RAB3C: variants seen among roughly 807,000 people sequenced by gnomAD.
RAB3C encodes ras-related protein Rab-3C.
Under a neutral mutation model 26.4 loss-of-function variants are expected in RAB3C, and 17 were observed. That is an observed-to-expected ratio of 0.64 (90% CI 0.44 to 0.97). The LOEUF is 0.97. RAB3C is among the 50% of genes least tolerant of loss of function. The pLI is 0.00. For missense variants in RAB3C, 242 were observed against 281.9 expected, an observed-to-expected ratio of 0.86 and a Z score of 1.01; for synonymous variants, 91 against 95.9, an observed-to-expected ratio of 0.95 and a Z score of 0.30.
intron 2 of RAB3C, among the ~76,000 whole-genome samples, chr5:58,710,811 G>A (rs1185930203): frequency 6.6e-6 from 1 of 152,052 alleles, no homozygotes; most frequent in Non-Finnish European, 1.5e-5. Context: ...ATGATGAGAT[G>A]CTGCAGCAGC....
chr5:58,780,954 G>A (rs1742257485), intron 3 of RAB3C, among the ~76,000 whole-genome samples: 1 of 151,902 alleles, frequency 6.6e-6, no homozygotes, highest in African/African-American at 2.4e-5. Flanking sequence ...TACCTATCTT[G>A]TAGTCTGTAA....
chr5:58,776,975 T>C (rs1344615941), intron 3 of RAB3C, among the ~76,000 whole-genome samples: 1 of 152,112 alleles, frequency 6.6e-6, no homozygotes, highest in Admixed American at 6.6e-5. Flanking sequence ...GAAATCAAGT[T>C]TAGCTCTATG....
intron 3 of RAB3C, among the ~76,000 whole-genome samples, chr5:58,773,840 C>CT (rs1442645884): frequency 1.3e-5 from 2 of 152,108 alleles, no homozygotes; most frequent in Admixed American, 6.6e-5. Flanking sequence ...CAACCATCTG[C>CT]TTTTTTTCTG....
chr5:58,815,501 A>AT (rs1276065475), intron 3 of RAB3C, among the ~76,000 whole-genome samples: 1 of 152,194 alleles, frequency 6.6e-6, no homozygotes, highest in African/African-American at 2.4e-5. Flanking sequence ...TCCTTTGCAG[A>AT]CTGTGATGGG....
intron 3 of RAB3C, among the ~76,000 whole-genome samples, chr5:58,766,338 G>T (rs961064225): frequency 5.3e-5 from 8 of 151,944 alleles, no homozygotes; most frequent in African/African-American, 1.9e-4. Flanking sequence ...AGCTGTTCTT[G>T]AACTCCTGAC....
chr5:58,845,612 A>ATATATATATGTGTGTGTGTGTGTGTG, intron 4 of RAB3C, among the ~76,000 whole-genome samples: 2 of 81,742 alleles, frequency 2.4e-5, no homozygotes, highest in African/African-American at 5.8e-5. Context: ...ATATATATAT[A>ATATATATATGTGTGTGTGTGTGTGTG]TGTGTGTGTG....
intron 3 of RAB3C, among the ~76,000 whole-genome samples, chr5:58,733,189 C>T (rs1368621540): frequency 6.6e-6 from 1 of 152,156 alleles, no homozygotes; most frequent in East Asian, 1.9e-4. Context: ...ACTGTAGTGC[C>T]TGGCACTTAA....
rs16888432 is a variant in RAB3C, at chr5:58,689,604, C to T, written c.253-36398C>T. On this transcript the variant is annotated intron_variant, in intron 2 of 4. Coordinates refer to ENST00000282878, the MANE Select transcript of RAB3C (RefSeq NM_138453.4). Reference sequence around the variant, plus strand: ...TGGGGGTGGTTAAAATCAGTGTTGCCATGCCTGATGGTGAAGACAATGAGG... The same window carrying T: ...TGGGGGTGGTTAAAATCAGTGTTGCTATGCCTGATGGTGAAGACAATGAGG... 5.9e-3 allele frequency among the ~76,000 whole-genome samples: 899 copies of T among 152,106 alleles called. 16 individuals are homozygous for T. The highest frequency in any genetic ancestry group is 0.02 in the African/African-American group (836 of 41,518).
chr5:58,816,952 T>G (rs996638085), intron 3 of RAB3C: 2 of 152,224 alleles, frequency 1.3e-5, no homozygotes, highest in Non-Finnish European at 1.5e-5. Flanking sequence ...GGGCATCTCA[T>G]TTCTGGGACA....
intron 3 of RAB3C, among the ~76,000 whole-genome samples, chr5:58,729,123 C>A (rs1740948036): frequency 6.6e-6 from 1 of 152,040 alleles, no homozygotes; most frequent in Admixed American, 6.6e-5. Context: ...CTGGCACTTT[C>A]TGCAGATCAC....
At chr5:58,698,915 A>T (rs547205970) in intron 2 of RAB3C, among the ~76,000 whole-genome samples, 1 of 152,272 alleles carries the variant, frequency 6.6e-6, no homozygotes, top group Admixed American at 6.5e-5. Context: ...AACCTTCTGA[A>T]GCCTACTTCT....
chr5:58,855,701 T>C lies in RAB3C; in HGVS notation c.*4350T>C, dbSNP rs1331210969. ...ATTTTAGGTGAATTTTTGACCAAAG[T>C]CAATTAAAGACATAAACCTGTTTTA... On this transcript the variant is annotated 3_prime_UTR_variant, in exon 5 of 5. Transcript: ENST00000282878. The C allele has an allele frequency of 6.6e-6, 1 of 152,194 alleles. No homozygotes were observed. Among genetic ancestry groups the C allele is most frequent in the African/African-American group, 2.4e-5 (1 of 41,458 alleles). The allele number at this position is 152,194 out of a possible 1,614,324, so 9.4% of individuals were successfully genotyped here. A position where few individuals can be genotyped will look rare whatever the true frequency, so the allele number is the denominator to read the frequency against.
chr5:58,784,178 G>A (rs1349356211), intron 3 of RAB3C, among the ~76,000 whole-genome samples: 1 of 152,126 alleles, frequency 6.6e-6, no homozygotes, highest in African/African-American at 2.4e-5. Flanking sequence ...CCAATGAAAA[G>A]TGAGGAATAT....
rs544724323 is a variant in RAB3C, at chr5:58,658,042, A to G, written c.252+40172A>G. Among the ~76,000 whole-genome samples the G allele has an allele frequency of 5.9e-5, 9 of 152,350 alleles. No individual in the cohort carries two copies. The South Asian group carries it at 1.2e-3, about 21-fold the overall frequency. On this transcript the variant is annotated intron_variant, in intron 2 of 4. Coordinates refer to ENST00000282878, the MANE Select transcript of RAB3C (RefSeq NM_138453.4). ...TTAGTGAAAGAAGGGGACACTGTATATCACTGCACACTTAAAAATACAGAG... is the reference window on the plus strand; with the variant it reads ...TTAGTGAAAGAAGGGGACACTGTATGTCACTGCACACTTAAAAATACAGAG...
chr5:58,685,647 C>T (rs1368004994), intron 2 of RAB3C, among the ~76,000 whole-genome samples: 3 of 152,150 alleles, frequency 2.0e-5, no homozygotes, highest in Admixed American at 2.0e-4. Context: ...CTCAAGCTGA[C>T]ATTAGTTAAG....
intron 2 of RAB3C, among the ~76,000 whole-genome samples, chr5:58,657,183 A>AT (rs1747795248): frequency 6.6e-6 from 1 of 152,118 alleles, no homozygotes; most frequent in Non-Finnish European, 1.5e-5. Context: ...GAGCTAAGCT[A>AT]TGAGGACACA....
chr5:58,736,778 A>G (rs567700507), intron 3 of RAB3C, among the ~76,000 whole-genome samples: 1 of 152,226 alleles, frequency 6.6e-6, no homozygotes, highest in Non-Finnish European at 1.5e-5. Flanking sequence ...TCCTGGGGTT[A>G]TAACGTCAAC....
In RAB3C at chr5:58,601,933, G is replaced by A. The variant is rs557794635; in HGVS notation, c.25-15710G>A. On this transcript the variant is annotated intron_variant, in intron 1 of 4. Coordinates refer to ENST00000282878, the MANE Select transcript of RAB3C (RefSeq NM_138453.4). The stretch of plus-strand genomic sequence containing the variant: ...TTTTCTTGTTCTAGTTACTTGAGGT[G>A]CAACCTTAGACTGTCTGTTTGTGCT... 1.8e-4 allele frequency among the ~76,000 whole-genome samples: 28 copies of A among 152,044 alleles called. No homozygotes were observed. The South Asian group carries it at 4.4e-3, about 24-fold the overall frequency.
intron 2 of RAB3C, among the ~76,000 whole-genome samples, chr5:58,698,630 C>T (rs941861006): frequency 3.3e-5 from 5 of 152,062 alleles, no homozygotes; most frequent in Non-Finnish European, 7.4e-5. Context: ...TTTCTTTTTA[C>T]TCTTTTTTCT....
Sources: gnomAD v4.1 joint callset for allele counts (sites outside exome capture counted in the v4.1 genomes callset) on GRCh38, gnomAD v4.1.1 for gene constraint, MANE v1.5 for transcripts, NCBI Gene and HGNC (gene_info 2026-07-23, HGNC 2026-07-21) for gene names.